The following CSMD1 variants were observed in gnomAD, a reference collection of about 807,000 sequenced individuals.
CSMD1 encodes the protein CUB and sushi domain-containing protein 1.
A neutral mutation model predicts 417.5 loss-of-function variants in CSMD1; 213 were observed. The observed-to-expected ratio is 0.51, with a 90% confidence interval of 0.46 to 0.57. The LOEUF is 0.57. Among genes scored for constraint, CSMD1 ranks in the 20% least tolerant of loss-of-function variants. CSMD1 has a pLI of 0.00. For synonymous variants in CSMD1, 2,862 were observed against 1,736.8 expected, an observed-to-expected ratio of 1.65 and a Z score of -16.11; for missense variants, 6,923 against 4,529.7, an observed-to-expected ratio of 1.53 and a Z score of -15.17.
intron 2 of CSMD1, among the ~76,000 whole-genome samples, chr8:4,527,398 C>CT (rs938479858): frequency 1.3e-5 from 2 of 151,970 alleles, no homozygotes; most frequent in African/African-American, 2.4e-5. Context: ...CATTTTATAC[C>CT]TTTTTTCTGA....
chr8:3,164,408 T>C (rs915734527), intron 37 of CSMD1, among the ~76,000 whole-genome samples: 1 of 152,206 alleles, frequency 6.6e-6, no homozygotes, highest in Non-Finnish European at 1.5e-5. Context: ...CATTGGGGCT[T>C]TACATAGAAG....
intron 2 of CSMD1, among the ~76,000 whole-genome samples, chr8:4,567,537 G>T (rs1260975354): frequency 6.6e-6 from 1 of 152,114 alleles, no homozygotes. Context: ...TGTGAAAACA[G>T]ACCTTTATTT....
At chr8:3,987,897 T>C (rs1814457848) in intron 5 of CSMD1, among the ~76,000 whole-genome samples, 1 of 152,238 alleles carries the variant, frequency 6.6e-6, no homozygotes, top group South Asian at 2.1e-4. Context: ...CAACATCTTC[T>C]ACCTGATCTC....
In CSMD1 at chr8:4,742,569, G is replaced by GT. The variant is rs533933596; in HGVS notation, c.86-105012dup. ...AAAAATCTGAGCATGTAAGAGAAAT[G>GT]TTTTTTTATTTAGCCATTATTATTT... On this transcript the variant is annotated intron_variant, in intron 1 of 69. Transcript: ENST00000635120. Among the ~76,000 whole-genome samples the GT allele has an allele frequency of 7.1e-3, 1,074 of 152,016 alleles. 7 individuals carry two copies. The highest frequency in any genetic ancestry group is 9.6e-3 in the Non-Finnish European group (650 of 67,962).
chr8:4,116,065 C>T (rs1040231237), intron 3 of CSMD1, among the ~76,000 whole-genome samples: 24 of 151,796 alleles, frequency 1.6e-4, no homozygotes, highest in African/African-American at 5.6e-4. Context: ...TAGTGGCAAT[C>T]TTGGCTCACT....
chr8:3,853,216 C>A (rs555593132), intron 5 of CSMD1, among the ~76,000 whole-genome samples: 1 of 152,106 alleles, frequency 6.6e-6, no homozygotes, highest in Non-Finnish European at 1.5e-5. Context: ...TTTCAGTCTT[C>A]TTTGTTGGTT....
At chr8:4,276,598 AAATTT>A (rs1260473036) in intron 3 of CSMD1, among the ~76,000 whole-genome samples, 2 of 152,214 alleles carry the variant, frequency 1.3e-5, no homozygotes, top group Non-Finnish European at 2.9e-5. Flanking sequence ...TAATAAAAAT[AAATTT>A]AATAAAAAAA....
intron 7 of CSMD1, among the ~76,000 whole-genome samples, chr8:3,627,211 A>C (rs1354253736): frequency 6.6e-6 from 1 of 152,190 alleles, no homozygotes; most frequent in Non-Finnish European, 1.5e-5. Context: ...CAGACGCAAA[A>C]TTGAGAGAAC....
chr8:3,933,020 G>A (rs1446265384), intron 5 of CSMD1, among the ~76,000 whole-genome samples: 2 of 85,976 alleles, frequency 2.3e-5, no homozygotes, highest in African/African-American at 4.7e-5. Flanking sequence ...TAGAACAAGT[G>A]AAATGTATGA....
At chr8:3,068,435 T>G (rs77073668) in intron 49 of CSMD1, among the ~76,000 whole-genome samples, 6,385 of 152,274 alleles carry the variant, frequency 0.042, 182 homozygotes, top group Non-Finnish European at 0.066. Context: ...AAAAGTCTGT[T>G]GCATTCTAAA....
chr8:4,143,127 A>AATCAGAGG (rs1803891781), intron 3 of CSMD1, among the ~76,000 whole-genome samples: 1 of 118,666 alleles, frequency 8.4e-6, no homozygotes, highest in Admixed American at 8.4e-5. Flanking sequence ...GGAGGATTGG[A>AATCAGAGG]ATTAGCATTT....
intron 10 of CSMD1, among the ~76,000 whole-genome samples, chr8:3,519,819 C>T (rs984809387): frequency 6.6e-6 from 1 of 151,942 alleles, no homozygotes; most frequent in African/African-American, 2.4e-5. Flanking sequence ...TTACTGTTAC[C>T]TCTTCTTACC....
At chr8:4,638,168 A>G (rs1211844810) in intron 1 of CSMD1, among the ~76,000 whole-genome samples, 2 of 152,210 alleles carry the variant, frequency 1.3e-5, no homozygotes, top group African/African-American at 4.8e-5. Flanking sequence ...ATTTCAGTTC[A>G]TGGGGGAACA....
chr8:3,771,972 G>A (rs149879692), intron 5 of CSMD1, among the ~76,000 whole-genome samples: 2 of 151,994 alleles, frequency 1.3e-5, no homozygotes, highest in Non-Finnish European at 2.9e-5. Flanking sequence ...AGCAATTACA[G>A]CATTTATCCA....
chr8:3,944,552 A>C (rs945428503), intron 5 of CSMD1, among the ~76,000 whole-genome samples: 2 of 152,142 alleles, frequency 1.3e-5, no homozygotes, highest in Non-Finnish European at 2.9e-5. Context: ...TATTCAAGGA[A>C]ATTTAAATTG....
chr8:3,344,242 T>C (rs1201117412), intron 22 of CSMD1, among the ~76,000 whole-genome samples: 1 of 152,102 alleles, frequency 6.6e-6, no homozygotes, highest in Non-Finnish European at 1.5e-5. Flanking sequence ...TGAATGAGGA[T>C]CGGGTAAAAG....
intron 3 of CSMD1, among the ~76,000 whole-genome samples, chr8:4,044,123 C>G (rs986278322): frequency 6.6e-6 from 1 of 152,062 alleles, no homozygotes; most frequent in Non-Finnish European, 1.5e-5. Context: ...TTTTCTGGCT[C>G]ACATGTTCTC....
chr8:3,071,804 C>T lies in CSMD1; in HGVS notation c.7474+15293G>A, dbSNP rs192074504. ...CTACTCCATGGATTCATTGCAAATA[C>T]GTCATTTCATATATTTATAATTTGG... On this transcript the variant is annotated intron_variant, in intron 49 of 69. Coordinates refer to ENST00000635120, the MANE Select transcript of CSMD1 (RefSeq NM_033225.6). 2.9e-4 allele frequency among the ~76,000 whole-genome samples: 44 copies of T among 152,182 alleles called. 1 individual carries two copies. In the East Asian group the frequency reaches 3.1e-3, roughly 11 times the overall value.
chr8:3,880,424 G>C (rs1806130429), intron 5 of CSMD1, among the ~76,000 whole-genome samples: 1 of 152,106 alleles, frequency 6.6e-6, no homozygotes, highest in Non-Finnish European at 1.5e-5. Flanking sequence ...TCAGTTTCCA[G>C]GATTTGAGTG....
Sources: gnomAD v4.1 joint callset for allele counts (sites outside exome capture counted in the v4.1 genomes callset) on GRCh38, gnomAD v4.1.1 for gene constraint, MANE v1.5 for transcripts, NCBI Gene and HGNC (gene_info 2026-07-23, HGNC 2026-07-21) for gene names.